SLC25A48: variants seen among roughly 807,000 people sequenced by gnomAD.
SLC25A48 encodes the protein CTC-321K16.1.
A neutral mutation model predicts 32.2 loss-of-function variants in SLC25A48; 29 were observed. The ratio of observed to expected loss-of-function variants is 0.90; its 90% CI spans 0.67 to 1.23. The LOEUF is 1.23. Among genes scored for constraint, SLC25A48 ranks in the 50% most tolerant of loss-of-function variants. The probability of loss-of-function intolerance (pLI) is 0.00; values close to 1 mark genes in which losing one functional copy is unlikely to be tolerated. For synonymous variants in SLC25A48, 164 were observed against 172.3 expected, an observed-to-expected ratio of 0.95 and a Z score of 0.38; for missense variants, 399 against 422.7, an observed-to-expected ratio of 0.94 and a Z score of 0.49.
At chr5:135,868,333 T>TA (rs1321419012) in intron 4 of SLC25A48, among the ~76,000 whole-genome samples, 1 of 152,068 alleles carries the variant, frequency 6.6e-6, no homozygotes, top group African/African-American at 2.4e-5. Context: ...TGTGTACTCT[T>TA]AAAAAATGTC....
chr5:135,731,199 G>T (rs1755212947), intron 3 of SLC25A48, among the ~76,000 whole-genome samples: 1 of 151,724 alleles, frequency 6.6e-6, no homozygotes, highest in Non-Finnish European at 1.5e-5. Context: ...AGGGGTGGGG[G>T]TCATAAGGTG....
intron 5 of SLC25A48, among the ~76,000 whole-genome samples, chr5:135,873,481 A>G (rs551679152): frequency 1.3e-5 from 2 of 151,800 alleles, no homozygotes; most frequent in East Asian, 1.9e-4. Context: ...TCTTTTTGCA[A>G]CCCCCAGGCT....
rs566201592 is a variant in SLC25A48 at position 135,776,271 on chromosome 5, G to C, written c.-520-36252G>C. Among the ~76,000 whole-genome samples, 170 of 136,558 alleles carry C rather than the reference G, an allele frequency of 1.2e-3. 1 individual carries two copies. Among genetic ancestry groups the C allele is most frequent in the African/African-American group, 4.7e-3 (158 of 33,308 alleles). The allele number at this position is 136,558 out of a possible 152,430, so 89.6% of individuals were successfully genotyped here. ...AGGATATTGTTCCTCATATCTGGGG[G>C]GTGGGGGGCAGAGAGAATAATATTA... On this transcript the variant is annotated intron_variant, in intron 3 of 10. Coordinates refer to the SLC25A48 transcript ENST00000646290.
At chr5:135,600,480 A>G (rs1751768930) in intron 1 of SLC25A48, among the ~76,000 whole-genome samples, 1 of 152,128 alleles carries the variant, frequency 6.6e-6, no homozygotes, top group Non-Finnish European at 1.5e-5. Context: ...TCTCCTGCTC[A>G]GAATTGTGCC....
At chr5:135,850,567 C>A in intron 3 of SLC25A48, 71 bp downstream of exon 3, 2 of 1,463,070 alleles carry the variant, frequency 1.4e-6, no homozygotes, top group Non-Finnish European at 1.9e-6. Flanking sequence ...GGGCCACAGC[C>A]CCACACCAGC....
chr5:135,687,672 A>C (rs1754046853), intron 3 of SLC25A48, among the ~76,000 whole-genome samples: 1 of 152,114 alleles, frequency 6.6e-6, no homozygotes, highest in Non-Finnish European at 1.5e-5. Context: ...ATCTTTGTAA[A>C]CAGACATTGT....
chr5:135,690,236 A>C (rs1580787560), intron 3 of SLC25A48, among the ~76,000 whole-genome samples: 1 of 152,186 alleles, frequency 6.6e-6, no homozygotes, highest in South Asian at 2.1e-4. Context: ...GTATGGGAGA[A>C]GTGAATGTGG....
chr5:135,703,926 C>T (rs1754451480), intron 3 of SLC25A48, among the ~76,000 whole-genome samples: 1 of 152,372 alleles, frequency 6.6e-6, no homozygotes. Flanking sequence ...CATGAGCACC[C>T]TCTTGGTTCT....
intron 2 of SLC25A48, among the ~76,000 whole-genome samples, chr5:135,849,245 C>T (rs570073150): frequency 6.6e-6 from 1 of 152,288 alleles, no homozygotes; most frequent in Admixed American, 6.5e-5. Flanking sequence ...AGCTAGCCTG[C>T]TTTTCTGGGT....
At chr5:135,846,126 T>C (rs556646229) in intron 2 of SLC25A48, among the ~76,000 whole-genome samples, 7 of 152,254 alleles carry the variant, frequency 4.6e-5, no homozygotes, top group Non-Finnish European at 1.0e-4. Context: ...ACAAACCCTA[T>C]TATGAACTGC....
chr5:135,624,454 T>C (rs1367592824), intron 1 of SLC25A48, among the ~76,000 whole-genome samples: 1 of 152,236 alleles, frequency 6.6e-6, no homozygotes, highest in African/African-American at 2.4e-5. Flanking sequence ...GTCATTTTCA[T>C]GTTAATATGG....
At chr5:135,623,292 T>C (rs1295943295) in intron 1 of SLC25A48, among the ~76,000 whole-genome samples, 2 of 152,182 alleles carry the variant, frequency 1.3e-5, no homozygotes, top group African/African-American at 4.8e-5. Context: ...TAACTCCCCA[T>C]TTTAGTGCCT....
intron 3 of SLC25A48, among the ~76,000 whole-genome samples, chr5:135,758,821 CTA>C (rs1376483894): frequency 1.3e-5 from 2 of 150,382 alleles, no homozygotes; most frequent in African/African-American, 4.8e-5. Context: ...TGTTAACACA[CTA>C]TGATATTAAT....
intron 3 of SLC25A48, among the ~76,000 whole-genome samples, chr5:135,704,692 C>T (rs1754468890): frequency 6.6e-6 from 1 of 152,094 alleles, no homozygotes; most frequent in Admixed American, 6.5e-5. Flanking sequence ...TATTATTATT[C>T]CCATTTTACA....
In SLC25A48 at chr5:135,613,057, C is replaced by T. The variant is rs914642913; in HGVS notation, c.-848-16180C>T. Among the ~76,000 whole-genome samples the T allele has an allele frequency of 6.6e-5, 10 of 152,166 alleles. No individual in the cohort carries two copies. The East Asian group carries it at 1.5e-3, about 24-fold the overall frequency. On this transcript the variant is annotated intron_variant, in intron 1 of 10. Transcript: ENST00000646290. Reference sequence around the variant, plus strand: ...GTTCCTACCAACAGTGTATGAGTACCGTTTTTTCCATATCCTCACCAGCAT... The same window carrying T: ...GTTCCTACCAACAGTGTATGAGTACTGTTTTTTCCATATCCTCACCAGCAT...
At chr5:135,738,596 A>G (rs937859757) in intron 3 of SLC25A48, among the ~76,000 whole-genome samples, 5 of 152,184 alleles carry the variant, frequency 3.3e-5, no homozygotes, top group Admixed American at 1.3e-4. Context: ...TCCTTGCACA[A>G]GTTGCTTCTG....
intron 3 of SLC25A48, among the ~76,000 whole-genome samples, chr5:135,779,243 G>A (rs1439960124): frequency 6.6e-6 from 1 of 151,632 alleles, no homozygotes; most frequent in South Asian, 2.1e-4. Flanking sequence ...TATTGTTCCT[G>A]ATATCTAAGG....
At chr5:135,710,933 T>G (rs1444866740) in intron 3 of SLC25A48, among the ~76,000 whole-genome samples, 1 of 152,208 alleles carries the variant, frequency 6.6e-6, no homozygotes, top group East Asian at 1.9e-4. Context: ...ATCCATCATG[T>G]GGATTTTTTA....
chr5:135,583,736 T>C (rs533927322), intron 1 of SLC25A48, among the ~76,000 whole-genome samples: 1 of 152,274 alleles, frequency 6.6e-6, no homozygotes, highest in African/African-American at 2.4e-5. Flanking sequence ...ACTCATGACA[T>C]GGTGGGTCAC....
Sources: gnomAD v4.1 joint callset for allele counts (sites outside exome capture counted in the v4.1 genomes callset) on GRCh38, gnomAD v4.1.1 for gene constraint, MANE v1.5 for transcripts, NCBI Gene and HGNC (gene_info 2026-07-23, HGNC 2026-07-21) for gene names.